Variants in FNBP1L observed in about 807,000 individuals in gnomAD.
FNBP1L encodes formin binding protein 1 like, also known as formin-binding protein 1-like.
FNBP1L carries 36 observed loss-of-function variants against 91.2 expected under a neutral mutation model. That is an observed-to-expected ratio of 0.39 (90% CI 0.30 to 0.52). FNBP1L has a LOEUF of 0.52. Among genes scored for constraint, FNBP1L ranks in the 20% least tolerant of loss-of-function variants. The probability of loss-of-function intolerance (pLI) is 0.66; values close to 1 mark genes in which losing one functional copy is unlikely to be tolerated. For synonymous variants in FNBP1L, 242 were observed against 237.0 expected (o/e 1.02, Z -0.19); for missense variants, 571 against 732.1 (o/e 0.78, Z 2.54).
intron 1 of FNBP1L, among the ~76,000 whole-genome samples, chr1:93,462,531 T>A (rs1668908153): frequency 6.6e-6 from 1 of 152,156 alleles, no homozygotes; most frequent in Non-Finnish European, 1.5e-5. Context: ...GTTGTATGTC[T>A]CCTTAGACAC....
intron 12 of FNBP1L, 44 bp downstream of exon 12, chr1:93,544,260 C>CT: frequency 7.2e-7 from 1 of 1,387,948 alleles, no homozygotes; most frequent in Non-Finnish European, 1.0e-6. Flanking sequence ...ATTTTAGGAT[C>CT]TACTTTGAGT....
At chr1:93,537,529 CTT>C (rs1355450844) in intron 10 of FNBP1L, among the ~76,000 whole-genome samples, 1 of 152,124 alleles carries the variant, frequency 6.6e-6, no homozygotes, top group African/African-American at 2.4e-5. Context: ...TTATGACAAA[CTT>C]AACTGATGTT....
intron 12 of FNBP1L, among the ~76,000 whole-genome samples, chr1:93,546,511 G>T (rs982790319): frequency 3.3e-5 from 5 of 152,000 alleles, no homozygotes; most frequent in Admixed American, 3.3e-4. Context: ...GTTTGATTTG[G>T]GACATGATGA....
intron 2 of FNBP1L, among the ~76,000 whole-genome samples, chr1:93,501,764 G>C (rs914181305): frequency 2.6e-5 from 4 of 152,158 alleles, no homozygotes; most frequent in African/African-American, 9.7e-5. Context: ...ATACTGGTAA[G>C]AATGATCCTG....
chr1:93,552,477 G>A lies in FNBP1L; in HGVS notation c.*61G>A, dbSNP rs1672444290. The stretch of plus-strand genomic sequence containing the variant: ...GAGGTTACATGCAGCTGCTTTTGGG[G>A]GAGGGTATTAGAGTTGTCAGGCTCA... On this transcript the variant is annotated 3_prime_UTR_variant, in exon 17 of 17. Coordinates refer to ENST00000271234, the MANE Select transcript of FNBP1L (RefSeq NM_001164473.3). 1.9e-6 allele frequency: 3 copies of A among 1,600,396 alleles called. No homozygotes were observed. The highest frequency in any genetic ancestry group is 2.2e-5 in the East Asian group (1 of 44,686).
At chr1:93,505,595 T>G (rs1459549609) in intron 2 of FNBP1L, among the ~76,000 whole-genome samples, 2 of 152,232 alleles carry the variant, frequency 1.3e-5, no homozygotes, top group African/African-American at 4.8e-5. Context: ...GGTAAATATT[T>G]AGGCTAAATT....
chr1:93,501,564 A>G (rs1670439961), intron 2 of FNBP1L, among the ~76,000 whole-genome samples: 1 of 152,118 alleles, frequency 6.6e-6, no homozygotes, highest in South Asian at 2.1e-4. Flanking sequence ...ACCACTATCC[A>G]TGAGGGCGGA....
intron 12 of FNBP1L, among the ~76,000 whole-genome samples, chr1:93,545,655 A>C (rs1251343469): frequency 6.6e-6 from 1 of 152,130 alleles, no homozygotes; most frequent in East Asian, 1.9e-4. Flanking sequence ...TGAAAACTGT[A>C]TGAAGAGTAA....
intron 7 of FNBP1L, among the ~76,000 whole-genome samples, chr1:93,532,422 G>A (rs969939918): frequency 2.8e-5 from 4 of 144,526 alleles, no homozygotes; most frequent in Non-Finnish European, 6.0e-5. Context: ...AGCCGAGATC[G>A]CGCAACTGCA....
At position 93,462,646 on chromosome 1, in the gene FNBP1L, C is replaced by T. The variant is rs563798160; in HGVS notation, c.24+14341C>T. 2.8e-4 allele frequency among the ~76,000 whole-genome samples: 42 copies of T among 152,168 alleles called. No individual in the cohort carries two copies. In the South Asian group the frequency reaches 8.3e-3, roughly 30 times the overall value. ...AGGATACCCCTCTATTGGAAAATGT[C>T]CGATGTTTTTTCATGATTAGACTGG... On this transcript the variant is annotated intron_variant, in intron 1 of 16. Coordinates refer to ENST00000271234, the MANE Select transcript of FNBP1L (RefSeq NM_001164473.3).
At chr1:93,477,391 A>G (rs1396255724) in intron 1 of FNBP1L, among the ~76,000 whole-genome samples, 1 of 152,364 alleles carries the variant, frequency 6.6e-6, no homozygotes, top group Non-Finnish European at 1.5e-5. Flanking sequence ...ATCTGTTGGA[A>G]TAAAAACGAG....
In FNBP1L at chr1:93,546,929, C is replaced by A; in HGVS notation, c.1362C>A (p.Thr454=). The A allele has an allele frequency of 2.5e-6, 4 of 1,612,598 alleles. No individual in the cohort carries two copies. Among genetic ancestry groups the A allele is most frequent in the Non-Finnish European group, 2.5e-6 (3 of 1,179,310 alleles). ...GTTTGCAGCCTAAATTAGCAGAGACCATGAATAACATTGACCGCCTACGAA... is the reference window on the plus strand; with the variant it reads ...GTTTGCAGCCTAAATTAGCAGAGACAATGAATAACATTGACCGCCTACGAA... ...PGSLQPKLAE[T]MNNIDRLRME... The change falls in exon 13 of 17, where the codon ACC becomes ACA. Residue 454 remains threonine (T), a synonymous_variant. Transcript: ENST00000271234.
At chr1:93,549,207 T>C (rs1672328460) in intron 14 of FNBP1L, 71 bp from the exon 15 acceptor site, 1 of 1,283,014 alleles carries the variant, frequency 7.8e-7, no homozygotes, top group Admixed American at 2.6e-5. Flanking sequence ...CCTGAGGTGA[T>C]CAATTTATAA....
At chr1:93,482,817 A>T (rs7551016) in intron 1 of FNBP1L, among the ~76,000 whole-genome samples, 1 of 151,724 alleles carries the variant, frequency 6.6e-6, no homozygotes, top group Non-Finnish European at 1.5e-5. Flanking sequence ...CAGGAGATCG[A>T]GACCATCCTG....
At chr1:93,512,978 C>T (rs1405054626) in intron 2 of FNBP1L, among the ~76,000 whole-genome samples, 2 of 152,020 alleles carry the variant, frequency 1.3e-5, no homozygotes, top group South Asian at 2.1e-4. Flanking sequence ...ATTAATGAAT[C>T]CAGGAGCTGG....
chr1:93,480,060 G>A (rs1433813303), intron 1 of FNBP1L, among the ~76,000 whole-genome samples: 2 of 152,230 alleles, frequency 1.3e-5, no homozygotes, highest in African/African-American at 2.4e-5. Flanking sequence ...TATTAGGGAA[G>A]TGATAAATGT....
chr1:93,468,425 A>G (rs1200791263), intron 1 of FNBP1L, among the ~76,000 whole-genome samples: 1 of 152,020 alleles, frequency 6.6e-6, no homozygotes, highest in East Asian at 1.9e-4. Flanking sequence ...ATTAACGGAC[A>G]AATTTTTCTT....
At chr1:93,526,572 C>T (rs1197455294) in intron 5 of FNBP1L, among the ~76,000 whole-genome samples, 1 of 152,152 alleles carries the variant, frequency 6.6e-6, no homozygotes, top group African/African-American at 2.4e-5. Flanking sequence ...TTACTTACCT[C>T]TGCCCTGGCT....
intron 2 of FNBP1L, among the ~76,000 whole-genome samples, chr1:93,507,188 A>G (rs969075318): frequency 7.7e-6 from 1 of 129,622 alleles, no homozygotes; most frequent in African/African-American, 2.9e-5. Context: ...CCCCCAAACA[A>G]TGTATCAGCA....
Sources: gnomAD v4.1 joint callset for allele counts (sites outside exome capture counted in the v4.1 genomes callset) on GRCh38, gnomAD v4.1.1 for gene constraint, MANE v1.5 for transcripts, NCBI Gene and HGNC (gene_info 2026-07-23, HGNC 2026-07-21) for gene names.